Variants in ZCWPW2 observed in about 807,000 individuals in gnomAD.
The protein encoded by ZCWPW2 is zinc finger CW-type PWWP domain protein 2.
In ZCWPW2, 45 loss-of-function variants were observed where a neutral mutation model predicts 46.6. The observed-to-expected ratio is 0.96, with a 90% CI of 0.76 to 1.24. The LOEUF (loss-of-function observed/expected upper bound fraction) is 1.24, where lower values mean the gene tolerates loss of function less well. Among genes scored for constraint, ZCWPW2 ranks in the 50% most tolerant of loss-of-function variants. The pLI is 0.00. For missense variants in ZCWPW2, 429 were observed against 403.9 expected (o/e 1.06, Z -0.53); for synonymous variants, 152 against 137.1 (o/e 1.11, Z -0.76).
At chr3:28,380,736 C>T (rs1695016074) in intron 1 of ZCWPW2, among the ~76,000 whole-genome samples, 2 of 151,484 alleles carry the variant, frequency 1.3e-5, no homozygotes, top group Non-Finnish European at 2.9e-5. Context: ...TTCCATTTTT[C>T]CCTACATGGA....
intron 1 of ZCWPW2, among the ~76,000 whole-genome samples, chr3:28,383,844 A>C (rs955673329): frequency 1.3e-5 from 2 of 152,146 alleles, no homozygotes; most frequent in African/African-American, 4.8e-5. Flanking sequence ...ACATTTGCCT[A>C]TTTTATAAAA....
chr3:28,465,103 G>T (rs910297197), intron 4 of ZCWPW2, among the ~76,000 whole-genome samples: 21 of 152,028 alleles, frequency 1.4e-4, no homozygotes, highest in African/African-American at 5.1e-4. Context: ...TTTTACCTTA[G>T]TTTTACCTTA....
chr3:28,485,916 C>T (rs1427340184), intron 5 of ZCWPW2, among the ~76,000 whole-genome samples: 1 of 151,272 alleles, frequency 6.6e-6, no homozygotes, highest in Admixed American at 6.6e-5. Context: ...TTATATAATT[C>T]CATTTTCTTC....
intron 3 of ZCWPW2, among the ~76,000 whole-genome samples, chr3:28,423,940 G>T (rs1303382021): frequency 6.6e-6 from 1 of 151,908 alleles, no homozygotes; most frequent in East Asian, 1.9e-4. Flanking sequence ...GTGTTCATGT[G>T]GGTAGCTTAC....
intron 4 of ZCWPW2, among the ~76,000 whole-genome samples, chr3:28,466,707 G>A (rs189050208): frequency 7.9e-5 from 12 of 152,222 alleles, no homozygotes; most frequent in Admixed American, 7.9e-4. Flanking sequence ...GCTCAGGCAC[G>A]AAAATTGCTT....
intron 1 of ZCWPW2, among the ~76,000 whole-genome samples, chr3:28,358,347 C>G (rs1026197005): frequency 1.3e-5 from 2 of 152,224 alleles, no homozygotes. Context: ...AACGTAGGCA[C>G]TGAAATTGGA....
chr3:28,523,985 A>G (rs1355886472), intron 9 of ZCWPW2, among the ~76,000 whole-genome samples: 1 of 152,114 alleles, frequency 6.6e-6, no homozygotes, highest in Admixed American at 6.6e-5. Flanking sequence ...AAATATTTAT[A>G]TGAACTACAT....
chr3:28,369,132 A>G (rs918644107), intron 1 of ZCWPW2, among the ~76,000 whole-genome samples: 5 of 151,858 alleles, frequency 3.3e-5, no homozygotes, highest in Non-Finnish European at 5.9e-5. Context: ...GAGTAGTTTG[A>G]TCATCTGAAG....
At position 28,401,903 on chromosome 3, in the gene ZCWPW2, C is replaced by T. The variant is rs144689120; in HGVS notation, c.-13-11153C>T. Among the ~76,000 whole-genome samples, 372 of 151,820 alleles carry T rather than the reference C, an allele frequency of 2.5e-3. 1 individual carries two copies. The highest frequency in any genetic ancestry group is 8.2e-3 in the African/African-American group (339 of 41,418). ...ACCATAGTGATACAACCTATCAAAA[C>T]CTCTGGGATACAGCAAAGGCAGTGC... On this transcript the variant is annotated intron_variant, in intron 2 of 9. Transcript: ENST00000383768.
chr3:28,438,315 A>G (rs1335993079), intron 4 of ZCWPW2, among the ~76,000 whole-genome samples: 2 of 152,116 alleles, frequency 1.3e-5, no homozygotes, highest in Non-Finnish European at 2.9e-5. Flanking sequence ...ACCCTTTTGC[A>G]CCACCACTTT....
chr3:28,385,582 T>G (rs1157650370), intron 1 of ZCWPW2, among the ~76,000 whole-genome samples: 1 of 152,146 alleles, frequency 6.6e-6, no homozygotes, highest in African/African-American at 2.4e-5. Context: ...TACACATGAT[T>G]AGACTAGCAC....
chr3:28,473,297 A>G (rs983318223), intron 4 of ZCWPW2, among the ~76,000 whole-genome samples: 1 of 152,068 alleles, frequency 6.6e-6, no homozygotes, highest in Non-Finnish European at 1.5e-5. Flanking sequence ...CCAACATGAC[A>G]AACTCCATCT....
chr3:28,411,390 TC>T (rs1048653852), intron 2 of ZCWPW2, among the ~76,000 whole-genome samples: 1 of 151,886 alleles, frequency 6.6e-6, no homozygotes, highest in African/African-American at 2.4e-5. Flanking sequence ...AAAACAACTT[TC>T]TGTAGCCTTT....
chr3:28,523,954 G>A (rs898764901), intron 9 of ZCWPW2, among the ~76,000 whole-genome samples: 1 of 151,922 alleles, frequency 6.6e-6, no homozygotes, highest in Non-Finnish European at 1.5e-5. Context: ...TTCTATAAAA[G>A]GGTACATTTT....
At chr3:28,487,413 C>A (rs1699640870) in intron 5 of ZCWPW2, among the ~76,000 whole-genome samples, 1 of 152,110 alleles carries the variant, frequency 6.6e-6, no homozygotes, top group South Asian at 2.1e-4. Flanking sequence ...AAAACACATT[C>A]TTCATTTATG....
Position 28,492,092 on chromosome 3 carries a change from CT to C in ZCWPW2, c.611-29del, listed in dbSNP as rs769455319. On this transcript the variant is annotated intron_variant, in intron 5 of 9. Transcript: ENST00000383768. ...ATTTATTTGAACAGGAACATAGGCA[CT>C]TTTTTGAAGCAGCCATGTTTCATTG... 4.4e-6 allele frequency: 7 copies of C among 1,603,418 alleles called. No individual in the cohort carries two copies. In the Admixed American group the frequency reaches 1.0e-4, roughly 24 times the overall value.
At chr3:28,471,707 A>T (rs11926821) in intron 4 of ZCWPW2, among the ~76,000 whole-genome samples, 3,781 of 152,274 alleles carry the variant, frequency 0.025, 149 homozygotes, top group African/African-American at 0.084. Flanking sequence ...GCCCATTGTT[A>T]TTCAACATAG....
At chr3:28,498,210 T>C (rs1168107752) in intron 6 of ZCWPW2, among the ~76,000 whole-genome samples, 1 of 148,592 alleles carries the variant, frequency 6.7e-6, no homozygotes, top group East Asian at 2.0e-4. Flanking sequence ...TATGTACATG[T>C]ATGTATATAT....
At chr3:28,425,623 T>C (rs1696975858) in intron 3 of ZCWPW2, among the ~76,000 whole-genome samples, 1 of 152,172 alleles carries the variant, frequency 6.6e-6, no homozygotes. Context: ...TCAAAAAAGT[T>C]GACTCTCTGT....
Sources: allele counts gnomAD v4.1 joint callset (sites outside exome capture counted in the v4.1 genomes callset), GRCh38; gene constraint gnomAD v4.1.1; transcripts MANE v1.5; gene names NCBI Gene and HGNC (gene_info 2026-07-23, HGNC 2026-07-21).